Variants in PLK4 observed in about 807,000 individuals in gnomAD.
PLK4 encodes the protein serine/threonine-protein kinase PLK4.
PLK4 carries 51 observed loss-of-function variants against 103.0 expected under a neutral mutation model. The observed-to-expected ratio is 0.50, with a 90% confidence interval of 0.40 to 0.63. PLK4 has a LOEUF of 0.63. PLK4 is among the 20% of genes least tolerant of loss of function. The pLI is 0.00. For synonymous variants in PLK4, 389 were observed against 376.8 expected (o/e 1.03, Z -0.38); for missense variants, 1,054 against 1,151.0 (o/e 0.92, Z 1.22).
chr4:127,888,617 A>G (rs543947696), intron 6 of PLK4, among the ~76,000 whole-genome samples: 3 of 152,328 alleles, frequency 2.0e-5, no homozygotes, highest in African/African-American at 7.2e-5. Flanking sequence ...ACTAAAACCT[A>G]AATATTTTTA....
Position 127,895,065 on chromosome 4 carries a change from T to A in PLK4, c.2675T>A (p.Phe892Tyr). The change falls in exon 14 of 16, where the codon TTT (phenylalanine) becomes TAT (tyrosine). Residue 892 changes from phenylalanine to tyrosine, a missense_variant. Phe to Tyr is a conservative substitution (Grantham distance 22, BLOSUM62 3). Around this residue, in one of 4 missense-constraint regions of PLK4, gnomAD observed 167 missense variants for 200.7 expected, o/e 0.83. Coordinates refer to ENST00000270861, the MANE Select transcript of PLK4 (RefSeq NM_014264.5). The stretch of plus-strand genomic sequence containing the variant: ...TCAGCACAACTTTTGAAATCTGTTT[T>A]TGTGAAAAATGTTGGTTGGGCTACA... ...PKSAQLLKSV[F>Y]VKNVGWATQL... The A allele has an allele frequency of 1.2e-6, 2 of 1,612,388 alleles. No homozygotes were observed. The highest frequency in any genetic ancestry group is 1.7e-6 in the Non-Finnish European group (2 of 1,179,328).
intron 15 of PLK4, among the ~76,000 whole-genome samples, chr4:127,897,608 A>G (rs1318719117): frequency 1.3e-5 from 2 of 152,148 alleles, no homozygotes; most frequent in African/African-American, 4.8e-5. Context: ...ATGCAGTGCC[A>G]TCACTTAAAT....
rs1220506462 is a variant in PLK4 at position 127,896,873 on chromosome 4, A to G, written c.2776A>G (p.Ile926Val). ...QLVVQAGVSS[I>V]SYTSPNGQTT... Reference sequence around the variant, plus strand: ...GGTTGTGCAGGCAGGAGTGTCTTCTATCAGTTATACCTCACCAAATGGTCA... The same window carrying G: ...GGTTGTGCAGGCAGGAGTGTCTTCTGTCAGTTATACCTCACCAAATGGTCA... The change falls in exon 15 of 16, where the codon ATC (isoleucine) becomes GTC (valine). Residue 926 changes from isoleucine (I) to valine (V), a missense_variant. By Grantham distance (29) the Ile-to-Val change is conservative (BLOSUM62 3). Transcript: ENST00000270861. 2 of 1,610,928 alleles carry G rather than the reference A, an allele frequency of 1.2e-6. No homozygotes were observed. The highest frequency in any genetic ancestry group is 8.5e-7 in the Non-Finnish European group (1 of 1,177,446).
chr4:127,897,845 T>TTTTTTTTTC (rs1735632557), intron 15 of PLK4, among the ~76,000 whole-genome samples: 1 of 106,858 alleles, frequency 9.4e-6, no homozygotes, highest in Non-Finnish European at 1.9e-5. Flanking sequence ...TTTTTTTTTT[T>TTTTTTTTTC]TTTTTTTTTT....
intron 13 of PLK4, among the ~76,000 whole-genome samples, chr4:127,894,298 C>G (rs1735478841): frequency 6.6e-6 from 1 of 152,036 alleles, no homozygotes; most frequent in Admixed American, 6.6e-5. Flanking sequence ...ACGATCTCGG[C>G]TCACTGCAAG....
At chr4:127,891,318 C>T (rs1553939825) in intron 8 of PLK4, 122 bp downstream of exon 8, 2 of 490,914 alleles carry the variant, frequency 4.1e-6, no homozygotes, top group Non-Finnish European at 7.2e-6. Context: ...ATGATAGTGT[C>T]TCTGGAATTC....
chr4:127,896,654 T>G (rs572156993), intron 14 of PLK4, 147 bp from the exon 15 acceptor site: 2 of 453,340 alleles, frequency 4.4e-6, no homozygotes, highest in East Asian at 6.7e-5. Context: ...TTAGAGAGTT[T>G]TTTTTTTAAC....
intron 2 of PLK4, 40 bp downstream of exon 2, chr4:127,881,966 A>G (rs1354839896): frequency 3.7e-6 from 4 of 1,076,650 alleles, no homozygotes; most frequent in East Asian, 2.4e-5. Flanking sequence ...GTACTTTGCA[A>G]GTAACTAGAG....
In PLK4 at chr4:127,895,452, C is replaced by CTTTTTTTTTTTTTTTTTT. The variant is rs70966059; in HGVS notation, c.2703+370_2703+387dup. ...TAATCAATATTAGTAGAGTAACTTT[C>CTTTTTTTTTTTTTTTTTT]TTTTTTTTTTTTTTTTTTTTTTTTT... is the stretch of plus-strand genomic sequence containing the variant. On this transcript the variant is annotated intron_variant, in intron 14 of 15. Transcript: ENST00000270861. 1.7e-4 allele frequency among the ~76,000 whole-genome samples: 11 copies of CTTTTTTTTTTTTTTTTTT among 65,194 alleles called. 1 individual carries two copies. Among genetic ancestry groups the CTTTTTTTTTTTTTTTTTT allele is most frequent in the South Asian group, 1.1e-3 (2 of 1,834 alleles). The allele number at this position is 65,194 out of a possible 152,430, so 42.8% of individuals were successfully genotyped here. A position where few individuals can be genotyped will look rare whatever the true frequency, so the allele number is the denominator to read the frequency against.
At chr4:127,887,085 C>T (rs1417062008) in intron 5 of PLK4, among the ~76,000 whole-genome samples, 1 of 152,020 alleles carries the variant, frequency 6.6e-6, no homozygotes, top group Admixed American at 6.6e-5. Flanking sequence ...CTGACTGCTT[C>T]CAATATGAAA....
chr4:127,884,475 T>A (rs1213107916), intron 4 of PLK4, among the ~76,000 whole-genome samples: 1 of 152,232 alleles, frequency 6.6e-6, no homozygotes, highest in African/African-American at 2.4e-5. Context: ...ATCTTGATAA[T>A]GACTACTGCA....
chr4:127,883,178 T>A, intron 2 of PLK4, 84 bp from the exon 3 acceptor site: 1 of 708,004 alleles, frequency 1.4e-6, no homozygotes, highest in Non-Finnish European at 2.4e-6. Flanking sequence ...TTCAGTCTAT[T>A]TTAAAGTATA....
rs752410378 is a variant in PLK4 at position 127,893,792 on chromosome 4, A to C, written c.2473A>C (p.Asn825His). The change falls in exon 13 of 16, where the codon AAT (asparagine) becomes CAT (histidine). Residue 825 changes from asparagine to histidine, a missense_variant. This residue lies in a region of PLK4 where 167 missense variants were observed against 200.7 expected (regional missense o/e 0.83). Transcript: ENST00000270861. ...ALSPPPSVDS[N>H]YPTRERASFN... The stretch of plus-strand genomic sequence containing the variant: ...ATCACCTCCTCCTTCTGTGGATTCA[A>C]ATTACCCAACGAGAGAGAGAGCATC... 4 of 1,613,578 alleles carry C rather than the reference A, an allele frequency of 2.5e-6. No homozygotes were observed. In the East Asian group the frequency reaches 8.9e-5, roughly 36 times the overall value.
chr4:127,896,540 C>T (rs1211843388), intron 14 of PLK4, among the ~76,000 whole-genome samples: 1 of 152,010 alleles, frequency 6.6e-6, no homozygotes, highest in East Asian at 1.9e-4. Context: ...GATTCACTTT[C>T]TAATAATTTT....
chr4:127,881,017 G>T lies in PLK4; in HGVS notation c.-118G>T. ...TGGTTTCAGCGTCGTCGCCTGGAGCGGCGGTTTAGAGAGCCGAGCCTGATG... is the reference window on the plus strand; with the variant it reads ...TGGTTTCAGCGTCGTCGCCTGGAGCTGCGGTTTAGAGAGCCGAGCCTGATG... On this transcript the variant is annotated 5_prime_UTR_variant, in exon 1 of 16. Transcript: ENST00000270861. The T allele has an allele frequency of 4.4e-6, 5 of 1,147,938 alleles. No homozygotes were observed. The highest frequency in any genetic ancestry group is 5.1e-6 in the Non-Finnish European group (4 of 778,366). The allele number at this position is 1,147,938 out of a possible 1,614,324, so 71.1% of individuals were successfully genotyped here. A position where few individuals can be genotyped will look rare whatever the true frequency, so the allele number is the denominator to read the frequency against.
intron 4 of PLK4, among the ~76,000 whole-genome samples, chr4:127,884,987 G>C (rs17012727): frequency 0.03 from 4,606 of 151,982 alleles, 297 homozygotes; most frequent in East Asian, 0.26. Context: ...GGGAGACATC[G>C]TTGGAACTTT....
Position 127,898,728 on chromosome 4 carries a change from T to C in PLK4, c.*187T>C. 8.2e-6 allele frequency: 4 copies of C among 487,532 alleles called. No individual in the cohort carries two copies. Among genetic ancestry groups the C allele is most frequent in the East Asian group, 3.3e-5 (1 of 29,874 alleles). 30.2% of individuals were successfully genotyped at this position (487,532 alleles called of 1,614,324 possible). ...TGAAACTTGAGTCACTTACTAAATA[T>C]AGTGGATATAAAATAGAACACCTGA... On this transcript the variant is annotated 3_prime_UTR_variant, in exon 16 of 16. Transcript: ENST00000270861.
chr4:127,894,897 A>G lies in PLK4; in HGVS notation c.2563-56A>G, dbSNP rs41278097. On this transcript the variant is annotated intron_variant, in intron 13 of 15. Transcript: ENST00000270861. Reference sequence around the variant, plus strand: ...TCTCATAATTGTCTGCTTTTGCTGAATGTGGCTTATAAAAATGCTGAGGAA... The same window carrying G: ...TCTCATAATTGTCTGCTTTTGCTGAGTGTGGCTTATAAAAATGCTGAGGAA... 36,841 of 1,188,078 alleles carry G rather than the reference A, an allele frequency of 0.031. 770 individuals are homozygous for G. Among genetic ancestry groups the G allele is most frequent in the Non-Finnish European group, 0.036 (31,004 of 868,440 alleles). The allele number at this position is 1,188,078 out of a possible 1,614,324, so 73.6% of individuals were successfully genotyped here. A position where few individuals can be genotyped will look rare whatever the true frequency, so the allele number is the denominator to read the frequency against.
At chr4:127,884,342 T>C (rs897390946) in intron 4 of PLK4, among the ~76,000 whole-genome samples, 42 of 152,326 alleles carry the variant, frequency 2.8e-4, no homozygotes, top group African/African-American at 9.6e-4. Context: ...ATATAAGCCA[T>C]TTGGAAAACA....
Sources: allele counts gnomAD v4.1 joint callset (sites outside exome capture counted in the v4.1 genomes callset), GRCh38; gene constraint gnomAD v4.1.1; regional missense constraint gnomAD v4.1.1; transcripts MANE v1.5; gene names NCBI Gene and HGNC (gene_info 2026-07-23, HGNC 2026-07-21).